Variants in ARHGEF18 observed in about 807,000 individuals in gnomAD.
ARHGEF18 encodes the protein Rho/Rac guanine nucleotide exchange factor 18.
ARHGEF18 carries 93 observed loss-of-function variants against 155.7 expected under a neutral mutation model. The observed-to-expected ratio is 0.60, with a 90% CI of 0.50 to 0.71. The LOEUF (loss-of-function observed/expected upper bound fraction) is 0.71, where lower values mean the gene tolerates loss of function less well. ARHGEF18 is among the 30% of genes least tolerant of loss of function. ARHGEF18 has a pLI of 0.00. For missense variants in ARHGEF18, 1,593 were observed against 1,816.1 expected (o/e 0.88, Z 2.23); for synonymous variants, 742 against 753.1 (o/e 0.99, Z 0.24).
chr19:7,374,355 G>A (rs59042340), intron 3 of ARHGEF18, among the ~76,000 whole-genome samples: 8,182 of 152,014 alleles, frequency 0.054, 595 homozygotes, highest in East Asian at 0.2. Context: ...GCAAGTGACC[G>A]AGCATGCATG....
At chr19:7,435,593 G>A (rs767706287) in intron 10 of ARHGEF18, among the ~76,000 whole-genome samples, 20 of 152,114 alleles carry the variant, frequency 1.3e-4, no homozygotes, top group Non-Finnish European at 2.2e-4. Flanking sequence ...AGGCAACTGG[G>A]GGTCTGAGCT....
In ARHGEF18 at chr19:7,395,170, C is replaced by G; in HGVS notation, c.967+11967C>G. 5 of 985,972 alleles carry G rather than the reference C, an allele frequency of 5.1e-6. No individual in the cohort carries two copies. Among genetic ancestry groups the G allele is most frequent in the Non-Finnish European group, 6.0e-6 (5 of 830,372 alleles). 61.1% of individuals were successfully genotyped at this position (985,972 alleles called of 1,614,324 possible). A position where few individuals can be genotyped will look rare whatever the true frequency, so the allele number is the denominator to read the frequency against. ...GCTAGCTACTGTGGATCTGGGGGGG[C>G]CGGACGGAGGCATCGGAGGCGGCTG... On this transcript the variant is annotated intron_variant, in intron 10 of 28. Transcript: ENST00000668164. The surrounding 1 kb of genome is among the most constrained non-coding windows in gnomAD (Gnocchi z 5.0).
chr19:7,440,020 T>C lies in ARHGEF18; in HGVS notation c.968-324T>C, dbSNP rs1239286639. 6.4e-7 allele frequency: 1 copy of C among 1,550,444 alleles called. No homozygotes were observed. The highest frequency in any genetic ancestry group is 1.2e-5 in the South Asian group (1 of 84,008). On this transcript the variant is annotated intron_variant, in intron 10 of 28. Coordinates refer to ENST00000668164, the MANE Select transcript of ARHGEF18 (RefSeq NM_001367823.1). The surrounding 1 kb of genome is among the most constrained non-coding windows in gnomAD (Gnocchi z 5.4). ...ACAGCAAGGGAAGACGCAGCTCTGT[T>C]TTCTAGAAGGATCCCACCGAGGCAT...
chr19:7,425,362 A>C (rs369745414), intron 10 of ARHGEF18, among the ~76,000 whole-genome samples: 6 of 152,012 alleles, frequency 3.9e-5, no homozygotes, highest in African/African-American at 1.2e-4. Flanking sequence ...ACTTCCCCAC[A>C]AAAAAAACAA....
At chr19:7,353,968 A>AAAAG (rs564579968) in intron 1 of ARHGEF18, among the ~76,000 whole-genome samples, 5 of 150,960 alleles carry the variant, frequency 3.3e-5, no homozygotes, top group African/African-American at 1.2e-4. Flanking sequence ...AAAAAAAAAA[A>AAAAG]AAAGAAAGAA....
At chr19:7,384,456 T>C (rs1970892492) in intron 10 of ARHGEF18, among the ~76,000 whole-genome samples, 1 of 152,242 alleles carries the variant, frequency 6.6e-6, no homozygotes, top group South Asian at 2.1e-4. Flanking sequence ...CTGAGCAACG[T>C]GCCTTGCAGG....
At chr19:7,469,777 G>A (rs959860939) in intron 27 of ARHGEF18, 127 bp from the exon 28 acceptor site, 43 of 1,175,742 alleles carry the variant, frequency 3.7e-5, no homozygotes, top group African/African-American at 4.6e-5. Flanking sequence ...CTCAGGTCAC[G>A]GGATCCAGGC....
Position 7,387,645 on chromosome 19 carries a change from T to A in ARHGEF18, c.967+4442T>A, listed in dbSNP as rs191353180. 5.0e-4 allele frequency among the ~76,000 whole-genome samples: 76 copies of A among 152,206 alleles called. 2 individuals carry two copies. Among genetic ancestry groups the A allele is most frequent in the Admixed American group, 1.6e-3 (25 of 15,290 alleles). ...CTCGCCTGTTCATTTATGTATCACC[T>A]TCGGTGGTTCCCAAGCTACATCTTT... On this transcript the variant is annotated intron_variant, in intron 10 of 28. Transcript: ENST00000668164.
At chr19:7,397,020 G>A (rs1436486396) in intron 10 of ARHGEF18, among the ~76,000 whole-genome samples, 1 of 150,122 alleles carries the variant, frequency 6.7e-6, no homozygotes, top group Non-Finnish European at 1.5e-5. Context: ...TGAGCATCTC[G>A]GATGTTGTTT....
intron 10 of ARHGEF18, among the ~76,000 whole-genome samples, chr19:7,426,285 G>T (rs8111332): frequency 0.53 from 80,827 of 151,490 alleles, 21,882 homozygotes; most frequent in Middle Eastern, 0.74. Context: ...GTTAGGAGTT[G>T]GAGACCAGCC....
chr19:7,378,084 CTG>C (rs1970547110), intron 5 of ARHGEF18, among the ~76,000 whole-genome samples: 1 of 151,966 alleles, frequency 6.6e-6, no homozygotes, highest in African/African-American at 2.4e-5. Context: ...CAGAGCGAGA[CTG>C]TGTCTAAGGA....
intron 10 of ARHGEF18, among the ~76,000 whole-genome samples, chr19:7,413,640 T>C (rs1309954818): frequency 6.6e-6 from 1 of 152,158 alleles, no homozygotes; most frequent in Non-Finnish European, 1.5e-5. Context: ...TGTGCACTTG[T>C]AGTTCCAGCT....
At chr19:7,397,319 G>A (rs1971768306) in intron 10 of ARHGEF18, among the ~76,000 whole-genome samples, 1 of 151,858 alleles carries the variant, frequency 6.6e-6, no homozygotes. Context: ...AGACTGGAGT[G>A]CAATAGCACA....
intron 2 of ARHGEF18, among the ~76,000 whole-genome samples, chr19:7,369,970 G>T (rs1021055313): frequency 6.6e-6 from 1 of 152,028 alleles, no homozygotes; most frequent in Non-Finnish European, 1.5e-5. Flanking sequence ...GCTGAGCGGG[G>T]AGGATCATCT....
chr19:7,432,834 C>G (rs889914415), intron 10 of ARHGEF18, among the ~76,000 whole-genome samples: 1 of 152,160 alleles, frequency 6.6e-6, no homozygotes, highest in East Asian at 1.9e-4. Context: ...TTATAAAGGA[C>G]AGTTTGAAAC....
intron 3 of ARHGEF18, among the ~76,000 whole-genome samples, chr19:7,375,454 GAA>G (rs1178741578): frequency 1.3e-5 from 2 of 150,776 alleles, no homozygotes; most frequent in Non-Finnish European, 2.9e-5. Context: ...AGAAAGAAAA[GAA>G]AGAGAAAACC....
intron 1 of ARHGEF18, among the ~76,000 whole-genome samples, chr19:7,360,281 G>C (rs1969493092): frequency 6.6e-6 from 1 of 151,146 alleles, no homozygotes; most frequent in African/African-American, 2.4e-5. Flanking sequence ...TGTCACCCAG[G>C]CTGGAGTGCA....
In ARHGEF18 at chr19:7,444,380, C is replaced by T. The variant is rs140149608; in HGVS notation, c.1537C>T (p.Arg513Cys). The T allele has an allele frequency of 1.2e-5, 19 of 1,613,698 alleles. No homozygotes were observed. In the East Asian group the frequency reaches 1.3e-4, roughly 11 times the overall value. Reference sequence around the variant, plus strand: ...CTTCCTCGCTCGGCTCAAGGAGCGCCGCCAGGAGTCCCTGGAGGAGGGCAG... The same window carrying T: ...CTTCCTCGCTCGGCTCAAGGAGCGCTGCCAGGAGTCCCTGGAGGAGGGCAG... ...SHFLARLKER[R>C]QESLEEGSDR... The change falls in exon 14 of 29, where the codon CGC becomes TGC. Residue 513 changes from arginine (R) to cysteine (C), a missense_variant. Arg to Cys is a radical substitution (Grantham distance 180, BLOSUM62 -3). Transcript: ENST00000668164. This position sits in a 1 kb window ranked among gnomAD's most constrained non-coding sequence, Gnocchi z 4.7.
At chr19:7,374,176 C>T (rs1360018639) in intron 3 of ARHGEF18, among the ~76,000 whole-genome samples, 3 of 152,052 alleles carry the variant, frequency 2.0e-5, no homozygotes, top group Admixed American at 1.3e-4. Flanking sequence ...CACATGCCTG[C>T]GCTCACCTTC....
Sources: gnomAD v4.1 joint callset for allele counts (sites outside exome capture counted in the v4.1 genomes callset) on GRCh38, gnomAD v4.1.1 for gene constraint, Gnocchi (gnomAD v3.1) non-coding constraint, MANE v1.5 for transcripts, NCBI Gene and HGNC (gene_info 2026-07-23, HGNC 2026-07-21) for gene names.